Variants in PRELID2 observed in about 807,000 individuals in gnomAD.
The protein encoded by PRELID2 is PRELI domain containing 2, also known as PRELI domain-containing protein 2.
Under a neutral mutation model 28.4 loss-of-function variants are expected in PRELID2, and 25 were observed. The observed-to-expected ratio is 0.88, with a 90% CI of 0.64 to 1.23. PRELID2 has a LOEUF of 1.23. Ranked by LOEUF, PRELID2 falls within the 50% of genes most tolerant of loss-of-function variation. The pLI is 0.00. For synonymous variants in PRELID2, 76 were observed against 71.6 expected (o/e 1.06, Z -0.31); for missense variants, 201 against 214.4 (o/e 0.94, Z 0.39).
chr5:145,450,409 C>G, the PRELID2 span, among the ~76,000 whole-genome samples: 1 of 152,110 alleles, frequency 6.6e-6, no homozygotes, highest in Admixed American at 6.6e-5. Context: ...GGAAAAGCTG[C>G]TAAGCCGGCA....
intron 2 of PRELID2, among the ~76,000 whole-genome samples, chr5:145,820,357 A>C (rs1194715421): frequency 6.6e-6 from 1 of 152,144 alleles, no homozygotes; most frequent in Non-Finnish European, 1.5e-5. Flanking sequence ...GGATGAAGGA[A>C]TAAGGGTACA....
At chr5:145,815,604 C>T (rs1393540391) in intron 4 of PRELID2, among the ~76,000 whole-genome samples, 1 of 152,222 alleles carries the variant, frequency 6.6e-6, no homozygotes, top group African/African-American at 2.4e-5. Flanking sequence ...CAATAATCTA[C>T]ATTCTGTCAC....
chr5:145,357,324 AAT>A, the PRELID2 span, among the ~76,000 whole-genome samples: 8 of 152,140 alleles, frequency 5.3e-5, no homozygotes, highest in African/African-American at 1.7e-4. Context: ...GATATCCTGA[AAT>A]ATGTTTTCCA....
the PRELID2 span, among the ~76,000 whole-genome samples, chr5:145,456,566 T>G: frequency 3.3e-5 from 5 of 152,178 alleles, no homozygotes; most frequent in Non-Finnish European, 7.3e-5. Flanking sequence ...TGCTTGTTTA[T>G]TGTTTTCACA....
chr5:145,395,361 C>A, the PRELID2 span, among the ~76,000 whole-genome samples: 1 of 152,144 alleles, frequency 6.6e-6, no homozygotes, highest in Non-Finnish European at 1.5e-5. Context: ...GAACTGTCCA[C>A]CAACTGGTGC....
chr5:145,308,389 A>G, the PRELID2 span, among the ~76,000 whole-genome samples: 5 of 152,214 alleles, frequency 3.3e-5, no homozygotes, highest in Admixed American at 6.5e-5. Flanking sequence ...CTTTTCTGTA[A>G]CGTGATATTT....
At chr5:145,747,211 C>A (rs190161179) in intron 1 of PRELID2, among the ~76,000 whole-genome samples, 2 of 140,392 alleles carry the variant, frequency 1.4e-5, no homozygotes, top group Non-Finnish European at 3.1e-5. Context: ...ATAGAGACAT[C>A]AAAAACCCTC....
At chr5:145,763,178 G>A (rs900206999) in intron 6 of PRELID2, among the ~76,000 whole-genome samples, 14 of 152,134 alleles carry the variant, frequency 9.2e-5, no homozygotes, top group African/African-American at 3.4e-4. Context: ...ATTTACCTTG[G>A]AGCTGACTCG....
At chr5:145,432,388 G>A in the PRELID2 span, among the ~76,000 whole-genome samples, 2,552 of 132,084 alleles carry the variant, frequency 0.019, 67 homozygotes, top group African/African-American at 0.067. Flanking sequence ...GCAGCATAAA[G>A]CATAAATGAA....
At chr5:145,401,479 T>C in the PRELID2 span, among the ~76,000 whole-genome samples, 1 of 152,154 alleles carries the variant, frequency 6.6e-6, no homozygotes, top group African/African-American at 2.4e-5. Flanking sequence ...GACTGTGATA[T>C]AGATTTTGAA....
intron 1 of PRELID2, among the ~76,000 whole-genome samples, chr5:145,727,621 A>G (rs1203079322): frequency 6.6e-6 from 1 of 152,226 alleles, no homozygotes; most frequent in Non-Finnish European, 1.5e-5. Flanking sequence ...AAAAGGAGAC[A>G]GCACAAGCAC....
At chr5:145,814,234 C>T (rs1335053112) in intron 4 of PRELID2, among the ~76,000 whole-genome samples, 5 of 152,166 alleles carry the variant, frequency 3.3e-5, no homozygotes, top group African/African-American at 7.2e-5. Flanking sequence ...GTTTAGTTCA[C>T]CTTTTAAGAC....
intron 1 of PRELID2, among the ~76,000 whole-genome samples, chr5:145,512,832 C>G (rs1295410422): frequency 6.6e-6 from 1 of 152,146 alleles, no homozygotes; most frequent in Admixed American, 6.5e-5. Context: ...GCTGGTGATA[C>G]CCAGGCAAAC....
intron 1 of PRELID2, among the ~76,000 whole-genome samples, chr5:145,632,847 G>T (rs1213707487): frequency 6.6e-6 from 1 of 152,126 alleles, no homozygotes; most frequent in Non-Finnish European, 1.5e-5. Flanking sequence ...TAATAAAAAA[G>T]AAGCCTATCC....
chr5:145,442,999 C>T, the PRELID2 span, among the ~76,000 whole-genome samples: 14 of 151,940 alleles, frequency 9.2e-5, no homozygotes, highest in African/African-American at 3.4e-4. Context: ...GGACAGGCGC[C>T]CCCCATGTGT....
At chr5:145,620,683 T>A (rs1203173285) in intron 1 of PRELID2, among the ~76,000 whole-genome samples, 1 of 152,132 alleles carries the variant, frequency 6.6e-6, no homozygotes, top group Non-Finnish European at 1.5e-5. Context: ...ACAACCTCGG[T>A]AACATGGCAA....
At chr5:145,349,653 C>A in the PRELID2 span, among the ~76,000 whole-genome samples, 2,359 of 152,192 alleles carry the variant, frequency 0.016, 53 homozygotes, top group African/African-American at 0.053. Context: ...AAAAAGAATT[C>A]TCTATAGTTA....
chr5:145,525,123 A>G (rs1008047068), intron 1 of PRELID2, among the ~76,000 whole-genome samples: 1 of 152,206 alleles, frequency 6.6e-6, no homozygotes, highest in African/African-American at 2.4e-5. Flanking sequence ...GTCAGGTTGT[A>G]TTATTTCAAT....
At chr5:145,373,274 T>C in the PRELID2 span, among the ~76,000 whole-genome samples, 20 of 95,196 alleles carry the variant, frequency 2.1e-4, 2 homozygotes, top group African/African-American at 6.6e-4. Context: ...ATATAATATA[T>C]ATGATATATA....
Sources: allele counts gnomAD v4.1 joint callset (sites outside exome capture counted in the v4.1 genomes callset), GRCh38; gene constraint gnomAD v4.1.1; transcripts MANE v1.5; gene names NCBI Gene and HGNC (gene_info 2026-07-23, HGNC 2026-07-21).